Variants in TMEM178B observed in about 807,000 individuals in gnomAD.
TMEM178B encodes transmembrane protein 178B.
In TMEM178B, 5 loss-of-function variants were observed where a neutral mutation model predicts 31.0. The observed-to-expected ratio is 0.16, with a 90% CI of 0.08 to 0.34. The LOEUF (loss-of-function observed/expected upper bound fraction) is 0.34, where lower values mean the gene tolerates loss of function less well. Among genes scored for constraint, TMEM178B ranks in the 10% least tolerant of loss-of-function variants. The pLI is 1.00. For missense variants in TMEM178B, 275 were observed against 400.3 expected (o/e 0.69, Z 2.67); for synonymous variants, 164 against 164.0 (o/e 1.00, Z 0.00).
intron 1 of TMEM178B, among the ~76,000 whole-genome samples, chr7:141,114,524 C>A (rs542272045): frequency 6.6e-6 from 1 of 152,394 alleles, no homozygotes; most frequent in South Asian, 2.1e-4. Context: ...GAGTCAACAG[C>A]TGTCAGGCCA....
chr7:141,494,522 C>T, the TMEM178B span, among the ~76,000 whole-genome samples: 1 of 152,160 alleles, frequency 6.6e-6, no homozygotes, highest in Non-Finnish European at 1.5e-5. Flanking sequence ...CAACTCTGAA[C>T]ATTTGCTTTC....
At position 141,479,798 on chromosome 7, in the gene TMEM178B, T is replaced by C. The variant is rs1802441715; in HGVS notation, c.*9012T>C. 6.6e-6 allele frequency: 1 copy of C among 152,232 alleles called. No homozygotes were observed. The highest frequency in any genetic ancestry group is 1.5e-5 in the Non-Finnish European group (1 of 68,046). 9.4% of individuals were successfully genotyped at this position (152,232 alleles called of 1,614,324 possible). ...AATATAAATTTATTTACCTTTATTT[T>C]AATTTGCATAGTGCTTTCTGATTGG... is the stretch of plus-strand genomic sequence containing the variant. On this transcript the variant is annotated 3_prime_UTR_variant, in exon 4 of 4. Transcript: ENST00000565468.
In TMEM178B at chr7:141,476,848, C is replaced by G. The variant is rs1802378928; in HGVS notation, c.*6062C>G. 1 of 154,848 alleles carries G rather than the reference C, an allele frequency of 6.5e-6. No homozygotes were observed. Among genetic ancestry groups the G allele is most frequent in the African/African-American group, 2.4e-5 (1 of 41,514 alleles). The allele number at this position is 154,848 out of a possible 1,614,324, so 9.6% of individuals were successfully genotyped here. On this transcript the variant is annotated 3_prime_UTR_variant, in exon 4 of 4. Coordinates refer to ENST00000565468, the MANE Select transcript of TMEM178B (RefSeq NM_001195278.2). ...TGCTCTCTCTGTAGATAGAGCCCAG[C>G]TGGTAACGGGGGAGCCACCCAACTG...
intron 2 of TMEM178B, among the ~76,000 whole-genome samples, chr7:141,295,123 A>G (rs1798609475): frequency 6.6e-6 from 1 of 152,180 alleles, no homozygotes; most frequent in South Asian, 2.1e-4. Flanking sequence ...CTGGGAGCCT[A>G]CTTGAAATAT....
In TMEM178B at chr7:141,475,044, T is replaced by G. The variant is rs571639019; in HGVS notation, c.*4258T>G. The G allele has an allele frequency of 3.3e-5, 5 of 152,408 alleles. No homozygotes were observed. The highest frequency in any genetic ancestry group is 4.8e-5 in the African/African-American group (2 of 41,600). The allele number at this position is 152,408 out of a possible 1,614,324, so 9.4% of individuals were successfully genotyped here. ...AAGTTGCTTTTCTGAAAATGTTCCCTGTCTTCAGGGGACTTACCCATCCCA... is the reference window on the plus strand; with the variant it reads ...AAGTTGCTTTTCTGAAAATGTTCCCGGTCTTCAGGGGACTTACCCATCCCA... On this transcript the variant is annotated 3_prime_UTR_variant, in exon 4 of 4. Coordinates refer to ENST00000565468, the MANE Select transcript of TMEM178B (RefSeq NM_001195278.2).
intron 2 of TMEM178B, among the ~76,000 whole-genome samples, chr7:141,304,269 G>A (rs555167585): frequency 1.3e-5 from 2 of 152,316 alleles, no homozygotes; most frequent in East Asian, 3.9e-4. Flanking sequence ...TAAAGATGGA[G>A]GTAGAGGAGA....
In TMEM178B at chr7:141,074,771, A is replaced by G. The variant is rs1794570262; in HGVS notation, c.382+79A>G. ...CCGCAGCCCCTCGCGTCTCCTTCCCAGGCCACAGGCTATCAGGTCTCTGGG... is the reference window on the plus strand; with the variant it reads ...CCGCAGCCCCTCGCGTCTCCTTCCCGGGCCACAGGCTATCAGGTCTCTGGG... On this transcript the variant is annotated intron_variant, in intron 1 of 3. Transcript: ENST00000565468. This position sits in a 1 kb window ranked among gnomAD's most constrained non-coding sequence, Gnocchi z 5.1. 4.2e-6 allele frequency: 6 copies of G among 1,431,530 alleles called. No homozygotes were observed. In the Admixed American group the frequency reaches 8.6e-5, roughly 20 times the overall value. The allele number at this position is 1,431,530 out of a possible 1,614,324, so 88.7% of individuals were successfully genotyped here.
At chr7:141,496,929 G>A in the TMEM178B span, among the ~76,000 whole-genome samples, 2 of 152,122 alleles carry the variant, frequency 1.3e-5, no homozygotes, top group Non-Finnish European at 2.9e-5. Context: ...TAGTGGTTCA[G>A]ACTCCCACAG....
At chr7:141,160,447 T>A (rs941464212) in intron 1 of TMEM178B, among the ~76,000 whole-genome samples, 1 of 152,162 alleles carries the variant, frequency 6.6e-6, no homozygotes, top group Non-Finnish European at 1.5e-5. Flanking sequence ...GGTCACTGCC[T>A]CCTCCTTGCC....
chr7:141,173,124 C>T (rs1376993963), intron 1 of TMEM178B: 2 of 152,140 alleles, frequency 1.3e-5, no homozygotes, highest in African/African-American at 4.8e-5. Context: ...CTATATACCA[C>T]ATTGAGAATT....
intron 1 of TMEM178B, among the ~76,000 whole-genome samples, chr7:141,153,487 C>T (rs1339126535): frequency 6.6e-6 from 1 of 152,170 alleles, no homozygotes; most frequent in East Asian, 1.9e-4. Context: ...TCTATTAGTG[C>T]TATTTCTGCA....
At chr7:141,419,718 C>A (rs1385160026) in intron 2 of TMEM178B, among the ~76,000 whole-genome samples, 2 of 152,162 alleles carry the variant, frequency 1.3e-5, no homozygotes, top group African/African-American at 2.4e-5. Context: ...TCATTAAAAG[C>A]AGTTTAATTG....
chr7:141,400,277 A>G (rs1800736909), intron 2 of TMEM178B, among the ~76,000 whole-genome samples: 3 of 152,212 alleles, frequency 2.0e-5, no homozygotes, highest in African/African-American at 7.2e-5. Context: ...CAAATGACCT[A>G]AGACGGAGGT....
chr7:141,456,551 G>A (rs1350848850), intron 3 of TMEM178B, among the ~76,000 whole-genome samples: 3 of 152,200 alleles, frequency 2.0e-5, no homozygotes, highest in Admixed American at 6.5e-5. Context: ...AGCCCTGGGG[G>A]AGTGATGCGG....
rs1802238249 is a variant in TMEM178B at position 141,471,334 on chromosome 7, G to A, written c.*548G>A. ...GAAGAGAAAACAAACTGAGAAGGAC[G>A]TTTTCTCTTTGCTGCCAAACTTTTG... On this transcript the variant is annotated 3_prime_UTR_variant, in exon 4 of 4. Coordinates refer to ENST00000565468, the MANE Select transcript of TMEM178B (RefSeq NM_001195278.2). The surrounding 1 kb of genome is among the most constrained non-coding windows in gnomAD (Gnocchi z 4.1). 6.6e-6 allele frequency: 1 copy of A among 152,184 alleles called. No individual in the cohort carries two copies. 9.4% of individuals were successfully genotyped at this position (152,184 alleles called of 1,614,324 possible). A position where few individuals can be genotyped will look rare whatever the true frequency, so the allele number is the denominator to read the frequency against.
the TMEM178B span, among the ~76,000 whole-genome samples, chr7:141,506,904 C>T: frequency 2.0e-5 from 3 of 152,092 alleles, no homozygotes; most frequent in Admixed American, 6.5e-5. Context: ...GAGAAATTGG[C>T]CAAAACAAAG....
intron 1 of TMEM178B, among the ~76,000 whole-genome samples, chr7:141,160,291 T>C (rs1412566487): frequency 6.6e-6 from 1 of 152,026 alleles, no homozygotes; most frequent in Non-Finnish European, 1.5e-5. Context: ...TATCTTACCT[T>C]CTAACTCACC....
chr7:141,215,839 T>TTTC (rs1261133896), intron 2 of TMEM178B, among the ~76,000 whole-genome samples: 1,506 of 64,568 alleles, frequency 0.023, 9 homozygotes, highest in Non-Finnish European at 0.043. Flanking sequence ...TCTTTCTTTC[T>TTTC]TTTCTTTTCT....
rs868261612 is a variant in TMEM178B, at chr7:141,192,763, G to A, written c.383-19828G>A. 3.6e-4 allele frequency among the ~76,000 whole-genome samples: 55 copies of A among 152,322 alleles called. 1 individual carries two copies. The highest frequency in any genetic ancestry group is 1.1e-3 in the African/African-American group (46 of 41,568). ...TTACAGGCGTGAGCCACTGTGCCCA[G>A]CCAGTGGTCTTCATTTTTAGGTGTT... On this transcript the variant is annotated intron_variant, in intron 1 of 3. Transcript: ENST00000565468.
Sources: gnomAD v4.1 joint callset for allele counts (sites outside exome capture counted in the v4.1 genomes callset) on GRCh38, gnomAD v4.1.1 for gene constraint, Gnocchi (gnomAD v3.1) non-coding constraint, MANE v1.5 for transcripts, NCBI Gene and HGNC (gene_info 2026-07-23, HGNC 2026-07-21) for gene names.